SGSM2: variants seen among roughly 807,000 people sequenced by gnomAD.
The protein encoded by SGSM2 is small G protein signaling modulator 2.
In SGSM2, 89 loss-of-function variants were observed where a neutral mutation model predicts 126.6. The observed-to-expected ratio is 0.70, with a 90% CI of 0.59 to 0.84. The LOEUF is 0.84. SGSM2 is among the 40% of genes least tolerant of loss of function. SGSM2 has a pLI of 0.00. For synonymous variants in SGSM2, 614 were observed against 574.3 expected (o/e 1.07, Z -0.99); for missense variants, 1,404 against 1,416.6 (o/e 0.99, Z 0.14).
chr17:2,342,743 C>T (rs2064429560), intron 1 of SGSM2, among the ~76,000 whole-genome samples: 2 of 126,528 alleles, frequency 1.6e-5, no homozygotes, highest in South Asian at 2.2e-4. Context: ...TTTGGGAGGC[C>T]GGGCGGGTGG....
chr17:2,376,804 C>T lies in SGSM2; in HGVS notation c.2681C>T (p.Thr894Ile). The T allele has an allele frequency of 1.9e-6, 3 of 1,614,090 alleles. No individual in the cohort carries two copies. The highest frequency in any genetic ancestry group is 1.1e-5 in the South Asian group (1 of 91,088). ...MCDLLAPLLVTLDNDQLAYSC... is the reference protein window; with the variant it reads ...MCDLLAPLLVILDNDQLAYSC... ...GATCTGCTGGCGCCTCTCCTGGTCACCCTCGACAATGGTGAGGGATGGCGG... is the reference window on the plus strand; with the variant it reads ...GATCTGCTGGCGCCTCTCCTGGTCATCCTCGACAATGGTGAGGGATGGCGG... Residue 894 changes from threonine (T) to isoleucine (I), a missense_variant, in exon 20 of 24, where the codon ACC becomes ATC. Physicochemically the swap from Thr to Ile is moderately conservative, Grantham distance 89. Transcript: ENST00000268989.
Position 2,343,620 on chromosome 17 carries a change from G to GGT in SGSM2, c.133+2_133+3dup. ...CAGCAGCCACATCATTGCTTTATGT[G>GGT]GTGAGTGAGTGACTGAAGGATGATG... On this transcript the variant is annotated frameshift_variant and splice_region_variant. Transcript: ENST00000268989. LOFTEE classifies it high-confidence loss of function. 6.2e-7 allele frequency: 1 copy of GGT among 1,613,902 alleles called. No individual in the cohort carries two copies. Among genetic ancestry groups the GGT allele is most frequent in the Non-Finnish European group, 8.5e-7 (1 of 1,179,810 alleles).
intron 2 of SGSM2, among the ~76,000 whole-genome samples, chr17:2,347,296 G>A (rs1420883909): frequency 6.6e-6 from 1 of 151,808 alleles, no homozygotes; most frequent in Non-Finnish European, 1.5e-5. Context: ...AGTAGAGACA[G>A]GGGTTTCACC....
At chr17:2,352,305 C>T (rs1039463327) in intron 2 of SGSM2, among the ~76,000 whole-genome samples, 4 of 152,180 alleles carry the variant, frequency 2.6e-5, no homozygotes, top group Non-Finnish European at 5.9e-5. Context: ...CTCTAATTAG[C>T]GTCTCCCAAA....
chr17:2,363,941 AC>A lies in SGSM2; in HGVS notation c.808-114del. 1 of 1,254,162 alleles carries A rather than the reference AC, an allele frequency of 8.0e-7. No individual in the cohort carries two copies. The allele number at this position is 1,254,162 out of a possible 1,614,324, so 77.7% of individuals were successfully genotyped here. On this transcript the variant is annotated intron_variant, in intron 7 of 23. Coordinates refer to ENST00000268989, the MANE Select transcript of SGSM2 (RefSeq NM_014853.3). This position sits in a 1 kb window ranked among gnomAD's most constrained non-coding sequence, Gnocchi z 4.2. ...GCTTCTGCCCCGTCCCTAGTCCAGG[AC>A]CCCGTGACTAGCCTAGCTTGGCCTC...
chr17:2,359,862 A>G (rs2065239216), intron 2 of SGSM2, among the ~76,000 whole-genome samples: 1 of 152,106 alleles, frequency 6.6e-6, no homozygotes, highest in African/African-American at 2.4e-5. Flanking sequence ...CCCACTCTGA[A>G]TGGGAAGTGC....
intron 2 of SGSM2, among the ~76,000 whole-genome samples, chr17:2,344,675 C>G (rs2064516960): frequency 6.6e-6 from 1 of 151,916 alleles, no homozygotes; most frequent in South Asian, 2.1e-4. Context: ...ATATGTCATC[C>G]AATAACTTGG....
intron 8 of SGSM2, 63 bp from the exon 9 acceptor site, chr17:2,364,533 C>G (rs2065466473): frequency 6.4e-7 from 1 of 1,559,370 alleles, no homozygotes; most frequent in Non-Finnish European, 8.8e-7. Flanking sequence ...GACCAGGAGA[C>G]AAGGAAGGAA....
At chr17:2,376,418 C>G (rs1046546089) in intron 19 of SGSM2, 157 bp downstream of exon 19, 11 of 859,112 alleles carry the variant, frequency 1.3e-5, no homozygotes, top group Non-Finnish European at 1.8e-5. Flanking sequence ...CACCCCTCCC[C>G]CGCGCCTCTT....
rs199606421 is a variant in SGSM2, at chr17:2,375,632, T to G, written c.2241T>G (p.Ser747=). 1.8e-5 allele frequency: 29 copies of G among 1,613,850 alleles called. No individual in the cohort carries two copies. Among genetic ancestry groups the G allele is most frequent in the Non-Finnish European group, 1.9e-5 (22 of 1,180,022 alleles). ...VEQQHSVEFD[S]PDSGLPSSRN... ...AGCAGCATTCCGTGGAGTTCGACTC[T>G]CCAGACTCAGGACTGCCCTCCTCTC... The change falls in exon 18 of 24, where the codon TCT becomes TCG. Residue 747 remains serine (S), a synonymous_variant. Coordinates refer to ENST00000268989, the MANE Select transcript of SGSM2 (RefSeq NM_014853.3).
intron 12 of SGSM2, among the ~76,000 whole-genome samples, chr17:2,368,088 C>A (rs1379359110): frequency 6.6e-6 from 1 of 152,232 alleles, no homozygotes; most frequent in African/African-American, 2.4e-5. Context: ...AAGTTTCTCA[C>A]TATCCCGGAG....
intron 22 of SGSM2, 40 bp downstream of exon 22, chr17:2,377,993 A>G (rs2066257691): frequency 8.0e-7 from 1 of 1,247,828 alleles, no homozygotes; most frequent in Non-Finnish European, 1.2e-6. Flanking sequence ...GGTCAGGGAC[A>G]GTGAGAGATC....
intron 2 of SGSM2, among the ~76,000 whole-genome samples, chr17:2,358,880 T>TG (rs2065191767): frequency 6.7e-6 from 1 of 148,886 alleles, no homozygotes; most frequent in Non-Finnish European, 1.5e-5. Flanking sequence ...GTTGTTTTTT[T>TG]TTTTTTTTTT....
At chr17:2,366,921 C>T in intron 11 of SGSM2, 1 of 241,190 alleles carries the variant, frequency 4.1e-6, no homozygotes, top group South Asian at 1.0e-4. Context: ...ACCCATCTGC[C>T]AGCTGTCATG....
chr17:2,368,662 C>T (rs1277338289), intron 12 of SGSM2, among the ~76,000 whole-genome samples: 1 of 151,980 alleles, frequency 6.6e-6, no homozygotes, highest in East Asian at 1.9e-4. Flanking sequence ...TCATGCCCAC[C>T]CTCCCTCCCA....
intron 19 of SGSM2, chr17:2,376,511 T>A: frequency 1.5e-6 from 1 of 667,054 alleles, no homozygotes; most frequent in South Asian, 1.9e-5. Context: ...CCGCCCCACA[T>A]ACCAAGCGTG....
In SGSM2 at chr17:2,346,659, G is replaced by A. The variant is rs750208078; in HGVS notation, c.133+3039G>A. On this transcript the variant is annotated intron_variant, in intron 2 of 23. Coordinates refer to ENST00000268989, the MANE Select transcript of SGSM2 (RefSeq NM_014853.3). ...AAACTTTCCTTGTGTGGAAGTTTTCGCTGGCAAACCAGTCTGGCGGCAGCA... is the reference window on the plus strand; with the variant it reads ...AAACTTTCCTTGTGTGGAAGTTTTCACTGGCAAACCAGTCTGGCGGCAGCA... 1.9e-4 allele frequency among the ~76,000 whole-genome samples: 29 copies of A among 152,198 alleles called. No homozygotes were observed. In the Middle Eastern group the frequency reaches 0.014, roughly 72 times the overall value.
At chr17:2,368,194 G>A (rs751388501) in intron 12 of SGSM2, among the ~76,000 whole-genome samples, 21 of 152,142 alleles carry the variant, frequency 1.4e-4, no homozygotes, top group Non-Finnish European at 2.9e-4. Context: ...CTTTGTTGGA[G>A]GTGATAGCGT....
At chr17:2,374,736 T>C (rs991256329) in intron 17 of SGSM2, among the ~76,000 whole-genome samples, 1 of 152,252 alleles carries the variant, frequency 6.6e-6, no homozygotes, top group African/African-American at 2.4e-5. Flanking sequence ...GCTGAGCTCA[T>C]GGACAGCAGT....
Sources: allele counts gnomAD v4.1 joint callset (sites outside exome capture counted in the v4.1 genomes callset), GRCh38; gene constraint gnomAD v4.1.1; non-coding constraint Gnocchi (gnomAD v3.1); transcripts MANE v1.5; gene names NCBI Gene and HGNC (gene_info 2026-07-23, HGNC 2026-07-21).